GARS1: variants seen among roughly 807,000 people sequenced by gnomAD.
GARS1 encodes glycine--tRNA ligase.
Under a neutral mutation model 86.4 loss-of-function variants are expected in GARS1, and 46 were observed. That is an observed-to-expected ratio of 0.53 (90% CI 0.42 to 0.68). GARS1 has a LOEUF of 0.68. Ranked by LOEUF, GARS1 falls within the 30% of genes least tolerant of loss-of-function variation. The pLI, the probability that GARS1 is intolerant of heterozygous loss-of-function variation, is 0.00. For missense variants in GARS1, 797 were observed against 915.6 expected (o/e 0.87, Z 1.67); for synonymous variants, 342 against 329.8 (o/e 1.04, Z -0.40).
chr7:30,628,425 T>A, intron 13 of GARS1, 135 bp from the exon 14 acceptor site: 1 of 632,096 alleles, frequency 1.6e-6, no homozygotes, highest in Non-Finnish European at 3.0e-6. Flanking sequence ...CCTCAGATGA[T>A]CCACCTACCT....
At position 30,622,233 on chromosome 7, in the gene GARS1, A is replaced by C. The variant is rs1039331864; in HGVS notation, c.1468-84A>C. On this transcript the variant is annotated intron_variant, in intron 11 of 16. Coordinates refer to ENST00000389266, the MANE Select transcript of GARS1 (RefSeq NM_002047.4). ...ACTGATAGAGAGCTGGCATGGTTTT[A>C]AGTTGATGATTGATTGTTCTCAGGC... is the stretch of plus-strand genomic sequence containing the variant. The C allele has an allele frequency of 4.7e-5, 72 of 1,531,496 alleles. No individual in the cohort carries two copies. In the Admixed American group the frequency reaches 1.2e-3, roughly 25 times the overall value. 94.9% of individuals were successfully genotyped at this position (1,531,496 alleles called of 1,614,324 possible).
At chr7:30,607,993 T>C (rs1048058270) in intron 6 of GARS1, among the ~76,000 whole-genome samples, 15 of 152,238 alleles carry the variant, frequency 9.9e-5, no homozygotes, top group African/African-American at 3.6e-4. Context: ...TTTCAGAGAT[T>C]GGTCCCTCAT....
intron 4 of GARS1, among the ~76,000 whole-genome samples, chr7:30,601,768 AGG>A (rs1409395490): frequency 6.6e-6 from 1 of 152,172 alleles, no homozygotes; most frequent in Non-Finnish European, 1.5e-5. Context: ...TATTGAAAGT[AGG>A]GCAGAATTTC....
Position 30,633,918 on chromosome 7 carries a change from T to C in GARS1, c.*58T>C. 6.5e-7 allele frequency: 1 copy of C among 1,528,082 alleles called. No individual in the cohort carries two copies. Among genetic ancestry groups the C allele is most frequent in the Non-Finnish European group, 9.0e-7 (1 of 1,110,912 alleles). The allele number at this position is 1,528,082 out of a possible 1,614,324, so 94.7% of individuals were successfully genotyped here. A position where few individuals can be genotyped will look rare whatever the true frequency, so the allele number is the denominator to read the frequency against. ...TAATAAAAAAAAAAAAAAACTACTCTTATGTCCACTTTACAAAAGAAAACA... is the reference window on the plus strand; with the variant it reads ...TAATAAAAAAAAAAAAAAACTACTCCTATGTCCACTTTACAAAAGAAAACA... On this transcript the variant is annotated 3_prime_UTR_variant, in exon 17 of 17. Transcript: ENST00000389266.
intron 10 of GARS1, 31 bp downstream of exon 10, chr7:30,617,309 TC>T (rs753432549): frequency 9.3e-6 from 15 of 1,610,280 alleles, no homozygotes; most frequent in Non-Finnish European, 1.3e-5. Context: ...CATGTGATTT[TC>T]ACATTGTTAA....
intron 8 of GARS1, chr7:30,614,119 T>G (rs1390399750): frequency 6.6e-6 from 1 of 152,218 alleles, no homozygotes; most frequent in African/African-American, 2.4e-5. Context: ...AAATTTTGTA[T>G]GATTTGTATG....
At chr7:30,609,522 T>C in intron 6 of GARS1, 63 bp from the exon 7 acceptor site, 1 of 1,394,662 alleles carries the variant, frequency 7.2e-7, no homozygotes, top group Non-Finnish European at 1.0e-6. Flanking sequence ...TTATATATAA[T>C]ACTTTATATC....
Position 30,621,455 on chromosome 7 carries a change from A to T in GARS1, c.1422A>T (p.Arg474=). The stretch of plus-strand genomic sequence containing the variant: ...GTTATGACCTCTCCTGTCATGCACG[A>T]GCCACCAAAGTCCCACTTGTAGCTG... ...RSCYDLSCHA[R]ATKVPLVAEK... is the part of the protein sequence containing the mutation. The change falls in exon 11 of 17, where the codon CGA becomes CGT. Residue 474 remains arginine, a synonymous_variant. Coordinates refer to ENST00000389266, the MANE Select transcript of GARS1 (RefSeq NM_002047.4). 1 of 1,614,202 alleles carries T rather than the reference A, an allele frequency of 6.2e-7. No homozygotes were observed. The highest frequency in any genetic ancestry group is 8.5e-7 in the Non-Finnish European group (1 of 1,180,034).
chr7:30,621,631 A>G (rs1783009968), intron 11 of GARS1, 131 bp downstream of exon 11: 1 of 771,838 alleles, frequency 1.3e-6, no homozygotes, highest in African/African-American at 1.7e-5. Flanking sequence ...GCTTGTTTAA[A>G]CCTATTATTT....
chr7:30,613,140 C>T (rs558102628), intron 8 of GARS1, among the ~76,000 whole-genome samples: 1 of 152,290 alleles, frequency 6.6e-6, no homozygotes, highest in South Asian at 2.1e-4. Flanking sequence ...TCCACAGCAC[C>T]TGCCTCATCT....
At chr7:30,612,694 C>T (rs932068583) in intron 8 of GARS1, among the ~76,000 whole-genome samples, 4 of 152,044 alleles carry the variant, frequency 2.6e-5, no homozygotes, top group African/African-American at 9.7e-5. Flanking sequence ...GAGGATGTAT[C>T]AGTAACCAAC....
At chr7:30,612,275 T>C (rs959636072) in intron 8 of GARS1, 30 bp downstream of exon 8, 4 of 1,603,242 alleles carry the variant, frequency 2.5e-6, no homozygotes, top group Non-Finnish European at 3.4e-6. Flanking sequence ...TACAAATTAG[T>C]GAATGACCTT....
At chr7:30,626,929 C>T (rs1349913056) in intron 13 of GARS1, 3 of 344,414 alleles carry the variant, frequency 8.7e-6, no homozygotes, top group African/African-American at 2.2e-5. Context: ...TGGAGTGAGC[C>T]GAGATCACGC....
At chr7:30,609,957 G>A (rs1047269924) in intron 7 of GARS1, among the ~76,000 whole-genome samples, 28 of 152,094 alleles carry the variant, frequency 1.8e-4, no homozygotes, top group African/African-American at 6.8e-4. Context: ...ATAAAATAAA[G>A]TCTCTGATCA....
intron 8 of GARS1, 86 bp downstream of exon 8, chr7:30,612,331 C>A: frequency 8.6e-7 from 1 of 1,159,936 alleles, no homozygotes; most frequent in Non-Finnish European, 1.3e-6. Flanking sequence ...AGCAATTCTG[C>A]TTCATAATCC....
intron 9 of GARS1, 54 bp from the exon 10 acceptor site, chr7:30,617,060 G>A (rs1782902841): frequency 1.3e-6 from 2 of 1,576,606 alleles, no homozygotes; most frequent in Admixed American, 1.7e-5. Flanking sequence ...GCTTTGAAGA[G>A]TATTAATGTG....
chr7:30,629,972 T>C (rs1475567813), intron 14 of GARS1, among the ~76,000 whole-genome samples: 3 of 152,256 alleles, frequency 2.0e-5, no homozygotes, highest in African/African-American at 4.8e-5. Context: ...AGAGCTTTAA[T>C]AGAAATTTCG....
intron 7 of GARS1, among the ~76,000 whole-genome samples, chr7:30,611,086 C>T (rs552654383): frequency 1.3e-5 from 2 of 152,220 alleles, no homozygotes; most frequent in South Asian, 2.1e-4. Context: ...CCATTGGGAG[C>T]GTTTCCTTAG....
At position 30,600,735 on chromosome 7, in the gene GARS1, A is replaced by G. The variant is rs1427962899; in HGVS notation, c.428-324A>G. Among the ~76,000 whole-genome samples, 4 of 152,318 alleles carry G rather than the reference A, an allele frequency of 2.6e-5. No homozygotes were observed. The East Asian group carries it at 7.7e-4, about 29-fold the overall frequency. On this transcript the variant is annotated intron_variant, in intron 3 of 16. Transcript: ENST00000389266. The stretch of plus-strand genomic sequence containing the variant: ...TAAAATTATAGATCATTGTTATCAG[A>G]TGTGGTGAGAAATTATTTTGTAATT...
Sources: gnomAD v4.1 joint callset for allele counts (sites outside exome capture counted in the v4.1 genomes callset) on GRCh38, gnomAD v4.1.1 for gene constraint, MANE v1.5 for transcripts, NCBI Gene and HGNC (gene_info 2026-07-23, HGNC 2026-07-21) for gene names.